BRWD1: variants seen among roughly 807,000 people sequenced by gnomAD.
BRWD1 encodes the protein bromodomain and WD repeat-containing protein 1.
Under a neutral mutation model 251.2 loss-of-function variants are expected in BRWD1, and 82 were observed. That is an observed-to-expected ratio of 0.33 (90% CI 0.27 to 0.39). BRWD1 has a LOEUF of 0.39. BRWD1 is among the 10% of genes least tolerant of loss of function. The probability of loss-of-function intolerance (pLI) is 1.00; values close to 1 mark genes in which losing one functional copy is unlikely to be tolerated. For missense variants in BRWD1, 2,233 were observed against 2,711.6 expected, an observed-to-expected ratio of 0.82 and a Z score of 3.92; for synonymous variants, 918 against 902.8, an observed-to-expected ratio of 1.02 and a Z score of -0.30.
At position 39,229,396 on chromosome 21, in the gene BRWD1, AC is replaced by A; in HGVS notation, c.3040del (p.Val1014LeufsTer9). ...TAGGCAACAGAGTGTAGGGGGCCCA[AC>A]TTCATATCGTATTCCAACTATTTTA... ...LVKIVGIRYE[V>X]GPPTLCCLKL... On this transcript the variant is annotated frameshift_variant, in exon 26 of 41. Transcript: ENST00000342449. LOFTEE classifies it high-confidence loss of function. 1 of 1,610,522 alleles carries A rather than the reference AC, an allele frequency of 6.2e-7. No individual in the cohort carries two copies. Among genetic ancestry groups the A allele is most frequent in the Non-Finnish European group, 8.5e-7 (1 of 1,177,056 alleles).
intron 15 of BRWD1, 101 bp from the exon 16 acceptor site, chr21:39,265,120 T>TTA: frequency 4.4e-6 from 5 of 1,130,204 alleles, no homozygotes; most frequent in South Asian, 2.0e-5. Flanking sequence ...ATATCCCTTC[T>TTA]GAAAAAAAAA....
intron 4 of BRWD1, among the ~76,000 whole-genome samples, chr21:39,305,146 G>A (rs569018671): frequency 1.7e-4 from 26 of 152,090 alleles, no homozygotes; most frequent in African/African-American, 6.0e-4. Flanking sequence ...TTATAGTAGA[G>A]ACGGGTTTCA....
At chr21:39,203,434 G>GTTTTTTTT (rs2032210759) in intron 37 of BRWD1, among the ~76,000 whole-genome samples, 11 of 64,280 alleles carry the variant, frequency 1.7e-4, no homozygotes, top group Admixed American at 6.9e-4. Flanking sequence ...GCAAGACCCT[G>GTTTTTTTT]GTTCTTTTTT....
chr21:39,224,507 A>G (rs2033304591), intron 28 of BRWD1, 38 bp from the exon 29 acceptor site: 1 of 1,439,324 alleles, frequency 6.9e-7, no homozygotes. Context: ...AGCCTTTCAT[A>G]AAAACAAAAT....
chr21:39,293,013 A>T (rs2035859506), intron 8 of BRWD1, among the ~76,000 whole-genome samples: 1 of 152,216 alleles, frequency 6.6e-6, no homozygotes, highest in African/African-American at 2.4e-5. Flanking sequence ...TTTTAGAAAT[A>T]CAGAATGAAA....
chr21:39,319,190 C>T (rs533265736), intron 1 of BRWD1, among the ~76,000 whole-genome samples: 55 of 152,320 alleles, frequency 3.6e-4, no homozygotes, highest in African/African-American at 1.3e-3. Context: ...GTGGTGTCAT[C>T]TTTCCCACAG....
At chr21:39,263,060 G>T (rs540357531) in intron 17 of BRWD1, among the ~76,000 whole-genome samples, 4 of 151,658 alleles carry the variant, frequency 2.6e-5, no homozygotes, top group Non-Finnish European at 5.9e-5. Flanking sequence ...AGCCAAGATC[G>T]CACCACTGCA....
intron 8 of BRWD1, 54 bp from the exon 9 acceptor site, chr21:39,280,302 G>T: frequency 7.3e-7 from 1 of 1,370,794 alleles, no homozygotes; most frequent in Non-Finnish European, 1.0e-6. Context: ...TTAAGTTACA[G>T]TTTAATAGTC....
chr21:39,212,722 A>G lies in BRWD1; in HGVS notation c.3859-15T>C. 6.5e-7 allele frequency: 1 copy of G among 1,540,974 alleles called. No individual in the cohort carries two copies. The highest frequency in any genetic ancestry group is 8.9e-7 in the Non-Finnish European group (1 of 1,121,392). On this transcript the variant is annotated splice_polypyrimidine_tract_variant and intron_variant, in intron 33 of 40. Coordinates refer to ENST00000342449, the MANE Select transcript of BRWD1 (RefSeq NM_033656.4). ...TCACTATCATCCTAGGAATAAAATC[A>G]GAGCACCTTAAGTATTTAGAGTCTC...
intron 4 of BRWD1, 199 bp downstream of exon 4, chr21:39,312,642 T>C (rs1190342886): frequency 2.5e-6 from 1 of 407,374 alleles, no homozygotes; most frequent in South Asian, 2.9e-5. Context: ...CCGCCCCCAA[T>C]GACTGTTTCC....
chr21:39,265,103 T>A, intron 15 of BRWD1, 84 bp from the exon 16 acceptor site: 1 of 1,392,916 alleles, frequency 7.2e-7, no homozygotes, highest in Non-Finnish European at 9.7e-7. Flanking sequence ...GGATAACCTG[T>A]GACAATATAT....
At chr21:39,205,048 A>G (rs1490489700) in intron 37 of BRWD1, among the ~76,000 whole-genome samples, 1 of 152,216 alleles carries the variant, frequency 6.6e-6, no homozygotes, top group Non-Finnish European at 1.5e-5. Context: ...AATTTTACAT[A>G]TTTATAGAAT....
chr21:39,188,417 C>T lies in BRWD1; in HGVS notation c.*7842G>A. Reference sequence around the variant, plus strand: ...ACCCACACTAGACATCTGGAGGACTCCACCACATTCTTTTTACTACTAAGT... The same window carrying T: ...ACCCACACTAGACATCTGGAGGACTTCACCACATTCTTTTTACTACTAAGT... On this transcript the variant is annotated 3_prime_UTR_variant, in exon 41 of 41. Coordinates refer to ENST00000342449, the MANE Select transcript of BRWD1 (RefSeq NM_033656.4). 3.0e-6 allele frequency: 3 copies of T among 985,330 alleles called. No individual in the cohort carries two copies. The highest frequency in any genetic ancestry group is 3.6e-6 in the Non-Finnish European group (3 of 829,862). 61.0% of individuals were successfully genotyped at this position (985,330 alleles called of 1,614,324 possible). A position where few individuals can be genotyped will look rare whatever the true frequency, so the allele number is the denominator to read the frequency against.
chr21:39,295,075 T>A (rs2035918479), intron 7 of BRWD1, among the ~76,000 whole-genome samples: 1 of 152,222 alleles, frequency 6.6e-6, no homozygotes, highest in South Asian at 2.1e-4. Context: ...AGGAGCTTTT[T>A]ATTTTGGGGG....
chr21:39,194,714 T>C lies in BRWD1; in HGVS notation c.*1545A>G. 3 of 1,535,262 alleles carry C rather than the reference T, an allele frequency of 2.0e-6. No individual in the cohort carries two copies. Among genetic ancestry groups the C allele is most frequent in the Non-Finnish European group, 2.6e-6 (3 of 1,146,056 alleles). On this transcript the variant is annotated 3_prime_UTR_variant, in exon 41 of 41. Coordinates refer to ENST00000342449, the MANE Select transcript of BRWD1 (RefSeq NM_033656.4). ...AATACCAGTCTGATGCTTCGCCTTG[T>C]CTGCCACTTCAAAGATACACAGGAG...
intron 4 of BRWD1, 99 bp downstream of exon 4, chr21:39,312,742 C>T (rs887405036): frequency 2.8e-5 from 26 of 930,032 alleles, no homozygotes; most frequent in Non-Finnish European, 3.8e-5. Flanking sequence ...GTGCGGGTCA[C>T]ACTTTGCACC....
intron 4 of BRWD1, among the ~76,000 whole-genome samples, chr21:39,312,382 A>G (rs1162605083): frequency 6.6e-6 from 1 of 152,244 alleles, no homozygotes; most frequent in Non-Finnish European, 1.5e-5. Flanking sequence ...TCAACACAAG[A>G]ACATTTCTCC....
Position 39,254,127 on chromosome 21 carries a change from G to A in BRWD1, c.2255+1518C>T, listed in dbSNP as rs61278677. ...ACTAAAAATACAAAATTAGCCAGGCGTGGTGGCGCATGCCTGTAGTCCCAG... is the reference window on the plus strand; with the variant it reads ...ACTAAAAATACAAAATTAGCCAGGCATGGTGGCGCATGCCTGTAGTCCCAG... On this transcript the variant is annotated intron_variant, in intron 19 of 40. Transcript: ENST00000342449. Among the ~76,000 whole-genome samples the A allele has an allele frequency of 1.7e-3, 266 of 152,254 alleles. 1 individual carries two copies. Among genetic ancestry groups the A allele is most frequent in the African/African-American group, 5.8e-3 (242 of 41,538 alleles).
At chr21:39,238,727 C>T (rs536960736) in intron 21 of BRWD1, among the ~76,000 whole-genome samples, 154 bp from the exon 22 acceptor site, 9 of 152,178 alleles carry the variant, frequency 5.9e-5, no homozygotes, top group Non-Finnish European at 1.3e-4. Context: ...ACTTAAAAAG[C>T]AAACTTCTTC....
Sources: allele counts gnomAD v4.1 joint callset (sites outside exome capture counted in the v4.1 genomes callset), GRCh38; gene constraint gnomAD v4.1.1; transcripts MANE v1.5; gene names NCBI Gene and HGNC (gene_info 2026-07-23, HGNC 2026-07-21).